Variants in LRRN1 observed in about 807,000 individuals in gnomAD.
The protein encoded by LRRN1 is leucine-rich repeat neuronal protein 1.
LRRN1 carries 14 observed loss-of-function variants against 45.8 expected under a neutral mutation model. The observed-to-expected ratio is 0.31, with a 90% confidence interval of 0.20 to 0.48. LRRN1 has a LOEUF of 0.48. Ranked by LOEUF, LRRN1 falls within the 20% of genes least tolerant of loss-of-function variation. LRRN1 has a pLI of 0.99. For missense variants in LRRN1, 789 were observed against 874.2 expected, an observed-to-expected ratio of 0.90 and a Z score of 1.23; for synonymous variants, 359 against 330.1, an observed-to-expected ratio of 1.09 and a Z score of -0.95.
Position 3,848,474 on chromosome 3 carries a change from C to T in LRRN1, c.*1682C>T, listed in dbSNP as rs531535242. On this transcript the variant is annotated 3_prime_UTR_variant, in exon 2 of 2. Transcript: ENST00000319331. Reference sequence around the variant, plus strand: ...TTCCATCAGACAGGTGCCAGACAAGCAAAAGCAAGGAAGTTGGCAGAAAGA... The same window carrying T: ...TTCCATCAGACAGGTGCCAGACAAGTAAAAGCAAGGAAGTTGGCAGAAAGA... 7.8e-4 allele frequency among the ~76,000 whole-genome samples: 118 copies of T among 152,236 alleles called. 1 individual carries two copies. Among genetic ancestry groups the T allele is most frequent in the African/African-American group, 2.7e-3 (111 of 41,556 alleles).
At chr3:3,814,654 A>G (rs1256161161) in intron 1 of LRRN1, among the ~76,000 whole-genome samples, 3 of 152,196 alleles carry the variant, frequency 2.0e-5, no homozygotes, top group South Asian at 4.1e-4. Context: ...TAATGCTCTT[A>G]TAAAAGAGAT....
intron 1 of LRRN1, among the ~76,000 whole-genome samples, chr3:3,820,816 A>G (rs1693087623): frequency 2.0e-5 from 3 of 152,216 alleles, no homozygotes; most frequent in Admixed American, 6.5e-5. Context: ...TGAATAAAAC[A>G]TAACCTTGGA....
chr3:3,801,566 G>A (rs989989991), intron 1 of LRRN1, among the ~76,000 whole-genome samples: 1 of 152,136 alleles, frequency 6.6e-6, no homozygotes, highest in Non-Finnish European at 1.5e-5. Flanking sequence ...GCGGATCCTG[G>A]CAGATGTCTG....
chr3:3,827,059 A>G (rs564480225), intron 1 of LRRN1, among the ~76,000 whole-genome samples: 1 of 152,292 alleles, frequency 6.6e-6, no homozygotes, highest in East Asian at 1.9e-4. Context: ...TCAATACGAG[A>G]CATCAATCCT....
intron 1 of LRRN1, chr3:3,801,261 T>G (rs1448031782): frequency 6.6e-6 from 1 of 152,224 alleles, no homozygotes; most frequent in Non-Finnish European, 1.5e-5. Context: ...GTATTTTCAT[T>G]CCCAAACCTA....
chr3:3,828,134 A>T (rs1432309367), intron 1 of LRRN1, among the ~76,000 whole-genome samples: 15 of 2,574 alleles, frequency 5.8e-3, no homozygotes, highest in Non-Finnish European at 0.011. Context: ...GGACAGAATT[A>T]TATATATATA....
chr3:3,813,713 G>A (rs920294127), intron 1 of LRRN1, among the ~76,000 whole-genome samples: 4 of 151,920 alleles, frequency 2.6e-5, no homozygotes, highest in East Asian at 1.9e-4. Context: ...CAACATCACC[G>A]AAGGAGCAAG....
chr3:3,829,445 C>T (rs1027036530), intron 1 of LRRN1, among the ~76,000 whole-genome samples: 4 of 152,068 alleles, frequency 2.6e-5, no homozygotes, highest in Non-Finnish European at 4.4e-5. Context: ...TGGTGAGTGG[C>T]GCCACTTCCA....
chr3:3,802,842 T>C (rs961764887), intron 1 of LRRN1, among the ~76,000 whole-genome samples: 2 of 152,222 alleles, frequency 1.3e-5, no homozygotes, highest in African/African-American at 4.8e-5. Context: ...TATCTAGATA[T>C]TTTTGAAACC....
chr3:3,842,938 T>G (rs1693678857), intron 1 of LRRN1, among the ~76,000 whole-genome samples: 1 of 143,558 alleles, frequency 7.0e-6, no homozygotes, highest in African/African-American at 2.6e-5. Context: ...TCAGAGGATT[T>G]TATTGAAACC....
At chr3:3,806,021 G>T (rs1204878100) in intron 1 of LRRN1, among the ~76,000 whole-genome samples, 1 of 151,910 alleles carries the variant, frequency 6.6e-6, no homozygotes, top group Non-Finnish European at 1.5e-5. Flanking sequence ...TTCAACCAAG[G>T]GTGATTTTTG....
intron 1 of LRRN1, among the ~76,000 whole-genome samples, chr3:3,811,666 C>A (rs1455468254): frequency 3.9e-5 from 6 of 152,142 alleles, no homozygotes; most frequent in Non-Finnish European, 8.8e-5. Context: ...TTTGGGAATG[C>A]TTTTTGTGAT....
chr3:3,839,262 C>T (rs967321944), intron 1 of LRRN1, among the ~76,000 whole-genome samples: 1 of 152,074 alleles, frequency 6.6e-6, no homozygotes, highest in African/African-American at 2.4e-5. Flanking sequence ...AGAAACTGTC[C>T]TTTATTGTAT....
At chr3:3,813,234 G>T (rs1020590204) in intron 1 of LRRN1, among the ~76,000 whole-genome samples, 2 of 152,148 alleles carry the variant, frequency 1.3e-5, no homozygotes, top group South Asian at 4.1e-4. Context: ...TGGTAATTTC[G>T]TCGGTGCTCT....
At chr3:3,813,122 C>T (rs1268653173) in intron 1 of LRRN1, among the ~76,000 whole-genome samples, 1 of 152,180 alleles carries the variant, frequency 6.6e-6, no homozygotes, top group African/African-American at 2.4e-5. Flanking sequence ...CATTCTCGTT[C>T]ATGAACTCAT....
chr3:3,845,143 A>G lies in LRRN1; in HGVS notation c.502A>G (p.Asn168Asp), dbSNP rs764203145. The G allele has an allele frequency of 6.2e-7, 1 of 1,614,176 alleles. No individual in the cohort carries two copies. Among genetic ancestry groups the G allele is most frequent in the Non-Finnish European group, 8.5e-7 (1 of 1,180,022 alleles). ...ISAHAFAGLKNLLRLHLNSNK... is the reference protein window; with the variant it reads ...ISAHAFAGLKDLLRLHLNSNK... The stretch of plus-strand genomic sequence containing the variant: ...TGCTCATGCTTTTGCAGGCTTAAAA[A>G]ATCTATTAAGGCTCCACCTGAACTC... The change falls in exon 2 of 2, where the codon AAT (asparagine) becomes GAT (aspartate). Residue 168 changes from asparagine to aspartate, a missense_variant. Coordinates refer to ENST00000319331, the MANE Select transcript of LRRN1 (RefSeq NM_020873.7). The surrounding 1 kb of genome is among the most constrained non-coding windows in gnomAD (Gnocchi z 6.5).
chr3:3,805,325 A>G (rs1692729678), intron 1 of LRRN1, among the ~76,000 whole-genome samples: 3 of 152,258 alleles, frequency 2.0e-5, no homozygotes, highest in African/African-American at 7.2e-5. Context: ...TAGCATGGCA[A>G]TAAAGAATAT....
intron 1 of LRRN1, among the ~76,000 whole-genome samples, chr3:3,805,805 C>T (rs772297077): frequency 1.3e-4 from 20 of 152,192 alleles, no homozygotes; most frequent in Non-Finnish European, 2.8e-4. Flanking sequence ...AAGCCATTTA[C>T]AATCATTAAA....
intron 1 of LRRN1, among the ~76,000 whole-genome samples, chr3:3,804,631 G>A (rs1692718434): frequency 1.3e-5 from 2 of 152,098 alleles, no homozygotes; most frequent in African/African-American, 2.4e-5. Flanking sequence ...TGAAAGCTCC[G>A]ATTAATATAA....
Sources: gnomAD v4.1 joint callset for allele counts (sites outside exome capture counted in the v4.1 genomes callset) on GRCh38, gnomAD v4.1.1 for gene constraint, Gnocchi (gnomAD v3.1) non-coding constraint, MANE v1.5 for transcripts, NCBI Gene and HGNC (gene_info 2026-07-23, HGNC 2026-07-21) for gene names.